The following LIPK variants were observed in gnomAD, a reference collection of about 807,000 sequenced individuals.
LIPK encodes the protein lipase family member K.
LIPK carries 32 observed loss-of-function variants against 48.6 expected under a neutral mutation model. That is an observed-to-expected ratio of 0.66 (90% CI 0.50 to 0.88). The LOEUF is 0.88. Among genes scored for constraint, LIPK ranks in the 40% least tolerant of loss-of-function variants. LIPK has a pLI of 0.00. For synonymous variants in LIPK, 164 were observed against 157.4 expected (o/e 1.04, Z -0.32); for missense variants, 507 against 478.5 (o/e 1.06, Z -0.56).
chr10:88,714,807 T>C (rs1188757693), intron 1 of LIPK, among the ~76,000 whole-genome samples: 1 of 152,068 alleles, frequency 6.6e-6, no homozygotes, highest in African/African-American at 2.4e-5. Context: ...TTTTATTAAT[T>C]TTTTCCAAGG....
chr10:88,710,232 A>C (rs1842004285), intron 1 of LIPK, among the ~76,000 whole-genome samples: 1 of 152,162 alleles, frequency 6.6e-6, no homozygotes, highest in Non-Finnish European at 1.5e-5. Context: ...GTACAAAAAG[A>C]TCCCTCTCCA....
intron 7 of LIPK, among the ~76,000 whole-genome samples, chr10:88,738,252 G>A (rs1019507619): frequency 1.3e-5 from 2 of 152,326 alleles, no homozygotes; most frequent in Middle Eastern, 3.4e-3. Flanking sequence ...TATTGTTCAA[G>A]GGGTACCGAG....
At chr10:88,749,210 T>G (rs1842822619) in intron 9 of LIPK, among the ~76,000 whole-genome samples, 1 of 152,212 alleles carries the variant, frequency 6.6e-6, no homozygotes. Context: ...AATTTACAGA[T>G]TCAATGCTAC....
chr10:88,725,490 C>T (rs1419343443), intron 2 of LIPK, among the ~76,000 whole-genome samples: 2 of 152,222 alleles, frequency 1.3e-5, no homozygotes, highest in African/African-American at 4.8e-5. Flanking sequence ...GGCTCTTCAC[C>T]ATTGCTCTGT....
At chr10:88,736,032 A>G (rs1233970602) in intron 6 of LIPK, among the ~76,000 whole-genome samples, 1 of 152,140 alleles carries the variant, frequency 6.6e-6, no homozygotes, top group African/African-American at 2.4e-5. Flanking sequence ...TATAATCTTT[A>G]TTTAATGGAA....
At chr10:88,740,131 C>G in intron 8 of LIPK, 64 bp downstream of exon 8, 18 of 1,296,070 alleles carry the variant, frequency 1.4e-5, no homozygotes, top group Non-Finnish European at 2.0e-5. Flanking sequence ...GAAGTGCTCT[C>G]AGAGAGCTCA....
chr10:88,735,544 T>C (rs1842554595), intron 6 of LIPK, among the ~76,000 whole-genome samples: 1 of 152,268 alleles, frequency 6.6e-6, no homozygotes, highest in Non-Finnish European at 1.5e-5. Flanking sequence ...ACTTTTTCAA[T>C]GCCAACCTGA....
intron 9 of LIPK, among the ~76,000 whole-genome samples, chr10:88,745,174 A>T (rs892164024): frequency 6.9e-6 from 1 of 144,678 alleles, no homozygotes. Context: ...CCTGAAAGAG[A>T]GGAAGAGAGA....
At chr10:88,744,680 G>T (rs969616868) in intron 9 of LIPK, among the ~76,000 whole-genome samples, 1 of 152,228 alleles carries the variant, frequency 6.6e-6, no homozygotes, top group African/African-American at 2.4e-5. Flanking sequence ...AGCCAAAACA[G>T]TTGAGAAGGA....
chr10:88,723,101 T>A (rs1459832358), intron 1 of LIPK, among the ~76,000 whole-genome samples: 2 of 151,998 alleles, frequency 1.3e-5, no homozygotes, highest in African/African-American at 4.8e-5. Flanking sequence ...CCCAGGCTGG[T>A]CTCGTACTCC....
rs200150838 is a variant in LIPK, at chr10:88,732,531, C to A, written c.649C>A (p.Leu217Ile). 3 of 1,611,080 alleles carry A rather than the reference C, an allele frequency of 1.9e-6. No homozygotes were observed. Among genetic ancestry groups the A allele is most frequent in the African/African-American group, 1.3e-5 (1 of 74,826 alleles). The change falls in exon 6 of 10, where the codon CTT (leucine) becomes ATT (isoleucine). Residue 217 changes from leucine (L) to isoleucine (I), a missense_variant. By Grantham distance (5) the Leu-to-Ile change is conservative (BLOSUM62 2). Coordinates refer to ENST00000404190, the MANE Select transcript of LIPK (RefSeq NM_001080518.2). ...TQSPMKKLTT[L>I]SRRVVKVLFG... ...AAGTCCTATGAAAAAACTAACAACCCTTTCCAGGCGAGTAGTTAAGGTATG... is the reference window on the plus strand; with the variant it reads ...AAGTCCTATGAAAAAACTAACAACCATTTCCAGGCGAGTAGTTAAGGTATG...
In LIPK at chr10:88,726,845, A is replaced by C. The variant is rs1842352912; in HGVS notation, c.156A>C (p.Thr52=). ...ATCCTTATGAAGAGTATGATGTTAC[A>C]ACAAAAGATGGTTATATCCTTGGAA... is the stretch of plus-strand genomic sequence containing the variant. ...WGYPYEEYDV[T]TKDGYILGIY... The change falls in exon 3 of 10, where the codon ACA becomes ACC. Residue 52 remains threonine, a synonymous_variant. Transcript: ENST00000404190. The C allele has an allele frequency of 1.2e-6, 2 of 1,609,072 alleles. No homozygotes were observed. Among genetic ancestry groups the C allele is most frequent in the Non-Finnish European group, 1.7e-6 (2 of 1,176,440 alleles).
At chr10:88,741,365 C>T (rs917365289) in intron 8 of LIPK, among the ~76,000 whole-genome samples, 2 of 152,146 alleles carry the variant, frequency 1.3e-5, no homozygotes, top group Non-Finnish European at 2.9e-5. Context: ...GCTGGCACCA[C>T]AGGCATGCAC....
Position 88,711,770 on chromosome 10 carries a change from C to T in LIPK, c.-12+5450C>T, listed in dbSNP as rs114006378. 4.3e-3 allele frequency among the ~76,000 whole-genome samples: 657 copies of T among 152,136 alleles called. 2 individuals are homozygous for T. Among genetic ancestry groups the T allele is most frequent in the African/African-American group, 0.015 (617 of 41,506 alleles). Reference sequence around the variant, plus strand: ...GATTACAAGCGTGAGCCACTGTGTCCGGCCTATTTTTTTGATGATGTTTTT... The same window carrying T: ...GATTACAAGCGTGAGCCACTGTGTCTGGCCTATTTTTTTGATGATGTTTTT... On this transcript the variant is annotated intron_variant, in intron 1 of 9. Transcript: ENST00000404190.
At position 88,752,696 on chromosome 10, in the gene LIPK, T is replaced by G. The variant is rs1413778720; in HGVS notation, c.1140T>G (p.Asp380Glu). The change falls in exon 10 of 10, where the codon GAT becomes GAG. Residue 380 changes from aspartate to glutamate, a missense_variant. Asp to Glu is a conservative substitution (Grantham distance 45). Transcript: ENST00000404190. ...YNHVDFYLGE[D>E]APQEIYQDLI... Reference sequence around the variant, plus strand: ...ATGTGGATTTTTACCTTGGAGAGGATGCACCTCAGGAAATTTACCAAGACC... The same window carrying G: ...ATGTGGATTTTTACCTTGGAGAGGAGGCACCTCAGGAAATTTACCAAGACC... The G allele has an allele frequency of 6.4e-7, 1 of 1,574,752 alleles. No homozygotes were observed. Among genetic ancestry groups the G allele is most frequent in the Admixed American group, 1.8e-5 (1 of 54,632 alleles).
chr10:88,727,109 T>C (rs1842359594), intron 3 of LIPK, among the ~76,000 whole-genome samples, 197 bp downstream of exon 3: 1 of 152,214 alleles, frequency 6.6e-6, no homozygotes, highest in South Asian at 2.1e-4. Context: ...ACTGTTTATC[T>C]GGTCACTCCT....
intron 6 of LIPK, among the ~76,000 whole-genome samples, chr10:88,737,239 A>G (rs577352925): frequency 2.0e-5 from 3 of 152,214 alleles, no homozygotes; most frequent in Non-Finnish European, 4.4e-5. Context: ...ATGACCTACT[A>G]ACTTCACAAC....
intron 9 of LIPK, among the ~76,000 whole-genome samples, chr10:88,749,383 C>A (rs1419499206): frequency 1.3e-5 from 2 of 152,130 alleles, no homozygotes; most frequent in East Asian, 1.9e-4. Flanking sequence ...CTACAGTAAC[C>A]AAAACAGCAT....
intron 2 of LIPK, among the ~76,000 whole-genome samples, chr10:88,726,018 G>T (rs900014644): frequency 6.6e-6 from 1 of 152,122 alleles, no homozygotes; most frequent in Non-Finnish European, 1.5e-5. Context: ...ACTTAGACAA[G>T]CTGTCTTCCT....
Sources: gnomAD v4.1 joint callset for allele counts (sites outside exome capture counted in the v4.1 genomes callset) on GRCh38, gnomAD v4.1.1 for gene constraint, MANE v1.5 for transcripts, NCBI Gene and HGNC (gene_info 2026-07-23, HGNC 2026-07-21) for gene names.